The following VPS35L variants were observed in gnomAD, a reference collection of about 807,000 sequenced individuals.
The protein encoded by VPS35L is VPS35 endosomal protein-sorting factor-like.
In VPS35L, 83 loss-of-function variants were observed where a neutral mutation model predicts 133.0. The observed-to-expected ratio is 0.62, with a 90% CI of 0.52 to 0.75. The LOEUF is 0.75. Ranked by LOEUF, VPS35L falls within the 30% of genes least tolerant of loss-of-function variation. The pLI is 0.00. For synonymous variants in VPS35L, 423 were observed against 449.9 expected, an observed-to-expected ratio of 0.94 and a Z score of 0.76; for missense variants, 1,083 against 1,206.8, an observed-to-expected ratio of 0.90 and a Z score of 1.52.
At chr16:19,599,911 C>T (rs1972328081) in intron 8 of VPS35L, among the ~76,000 whole-genome samples, 1 of 152,146 alleles carries the variant, frequency 6.6e-6, no homozygotes, top group South Asian at 2.1e-4. Context: ...CATGGCAGCG[C>T]ATACCTGTGG....
chr16:19,693,555 C>T lies in VPS35L; in HGVS notation c.2646+2084C>T, dbSNP rs181242425. On this transcript the variant is annotated intron_variant, in intron 29 of 30. Coordinates refer to ENST00000417362, the MANE Select transcript of VPS35L (RefSeq NM_020314.7). ...CAGCACTTTGGGAGGCTGAGGTGGG[C>T]GGATCACTTGAGGCCAGGAGTTCGA... is the stretch of plus-strand genomic sequence containing the variant. 3.3e-3 allele frequency among the ~76,000 whole-genome samples: 497 copies of T among 151,890 alleles called. 3 individuals are homozygous for T. Among genetic ancestry groups the T allele is most frequent in the African/African-American group, 0.011 (461 of 41,392 alleles).
At chr16:19,660,441 T>C (rs1279101048) in intron 26 of VPS35L, among the ~76,000 whole-genome samples, 1 of 152,190 alleles carries the variant, frequency 6.6e-6, no homozygotes, top group Admixed American at 6.5e-5. Flanking sequence ...GTTGGATTGA[T>C]GGATTGATGG....
At chr16:19,587,092 GAGAA>G (rs746967671) in intron 7 of VPS35L, among the ~76,000 whole-genome samples, 8 of 146,502 alleles carry the variant, frequency 5.5e-5, no homozygotes, top group Non-Finnish European at 9.1e-5. Flanking sequence ...GAGCAGGAGA[GAGAA>G]AGAGAGAGAG....
intron 1 of VPS35L, among the ~76,000 whole-genome samples, chr16:19,560,824 A>G (rs1194166212): frequency 6.6e-6 from 1 of 151,914 alleles, no homozygotes; most frequent in African/African-American, 2.4e-5. Flanking sequence ...GAAAAGAGGA[A>G]AAGTGTACTT....
intron 16 of VPS35L, among the ~76,000 whole-genome samples, chr16:19,628,152 G>T (rs1020336657): frequency 1.3e-5 from 2 of 152,098 alleles, no homozygotes; most frequent in Non-Finnish European, 2.9e-5. Flanking sequence ...ATCACTTGAG[G>T]CCAGGAGTTC....
chr16:19,680,921 C>CCG (rs920558815), intron 27 of VPS35L, among the ~76,000 whole-genome samples: 1 of 142,104 alleles, frequency 7.0e-6, no homozygotes, highest in Non-Finnish European at 1.5e-5. Flanking sequence ...CCCGCCCCCC[C>CCG]CCTAAAAAAA....
chr16:19,696,346 G>C (rs1975910248), intron 29 of VPS35L, among the ~76,000 whole-genome samples: 1 of 152,186 alleles, frequency 6.6e-6, no homozygotes, highest in African/African-American at 2.4e-5. Flanking sequence ...GCGGCTTCTT[G>C]CTGTTGGAAA....
At chr16:19,586,793 A>G (rs183109973) in intron 7 of VPS35L, among the ~76,000 whole-genome samples, 35 of 152,298 alleles carry the variant, frequency 2.3e-4, no homozygotes, top group East Asian at 5.8e-4. Context: ...ATTTAGGTCA[A>G]TGGTTCATTT....
At chr16:19,569,317 A>G (rs921488850) in intron 2 of VPS35L, 107 bp from the exon 3 acceptor site, 2 of 1,274,978 alleles carry the variant, frequency 1.6e-6, no homozygotes, top group Non-Finnish European at 2.3e-6. Context: ...TCTGCTGCAA[A>G]TGAACCATCC....
chr16:19,588,000 A>C (rs1971925055), intron 7 of VPS35L, among the ~76,000 whole-genome samples: 1 of 151,620 alleles, frequency 6.6e-6, no homozygotes, highest in African/African-American at 2.4e-5. Flanking sequence ...GGGTTTCACC[A>C]TGTTGGCCAG....
chr16:19,557,057 G>T (rs981304302), intron 1 of VPS35L, among the ~76,000 whole-genome samples: 4 of 152,046 alleles, frequency 2.6e-5, no homozygotes, highest in Admixed American at 6.6e-5. Flanking sequence ...GCTTGAACCT[G>T]GGAGGCGGAA....
rs143222408 is a variant in VPS35L, at chr16:19,616,171, T to C, written c.1081T>C (p.Phe361Leu). 1.9e-6 allele frequency: 3 copies of C among 1,612,538 alleles called. No homozygotes were observed. The highest frequency in any genetic ancestry group is 2.7e-5 in the African/African-American group (2 of 74,858). ...KETLNKNFFD[F>L]LLTFKQIHGD... ...AACCCTAAATAAGAACTTTTTTGAC[T>C]TCCTCCTTACGTTCAAACAGGTAAG... Residue 361 changes from phenylalanine (F) to leucine (L), a missense_variant, in exon 13 of 31, where the codon TTC becomes CTC. By Grantham distance (22) the Phe-to-Leu change is conservative. Transcript: ENST00000417362.
chr16:19,578,589 C>G lies in VPS35L; in HGVS notation c.434-463C>G, dbSNP rs73531996. ...GGAGGCACAGCTAGTCCTGTTTGCT[C>G]GAAGAGAGGGCTTTGAAGCCCTAGT... On this transcript the variant is annotated intron_variant, in intron 5 of 30. Transcript: ENST00000417362. The G allele has an allele frequency of 4.5e-5, 15 of 336,512 alleles. No individual in the cohort carries two copies. The Admixed American group carries it at 5.9e-4, about 13-fold the overall frequency. 20.8% of individuals were successfully genotyped at this position (336,512 alleles called of 1,614,324 possible).
At chr16:19,572,158 G>T (rs968001327) in intron 3 of VPS35L, among the ~76,000 whole-genome samples, 20 of 152,090 alleles carry the variant, frequency 1.3e-4, no homozygotes, top group African/African-American at 4.6e-4. Flanking sequence ...AGTGGGTCAC[G>T]CCTGTAATCC....
At position 19,633,423 on chromosome 16, in the gene VPS35L, C is replaced by T. The variant is rs1973520884; in HGVS notation, c.1635+251C>T. ...GTGAGGATGAAGTGAAGCCCTCACA[C>T]AGTGGCCTGGCACGTGGTAAATGCT... On this transcript the variant is annotated intron_variant, in intron 19 of 30. Transcript: ENST00000417362. The surrounding 1 kb of genome is among the most constrained non-coding windows in gnomAD (Gnocchi z 4.1). 6.6e-6 allele frequency among the ~76,000 whole-genome samples: 1 copy of T among 152,220 alleles called. No homozygotes were observed. Among genetic ancestry groups the T allele is most frequent in the East Asian group, 1.9e-4 (1 of 5,192 alleles).
At chr16:19,556,810 GT>G (rs367612131) in intron 1 of VPS35L, among the ~76,000 whole-genome samples, 138 of 142,880 alleles carry the variant, frequency 9.7e-4, no homozygotes, top group East Asian at 2.7e-3. Flanking sequence ...ACACCCTGAG[GT>G]TTTTTTTTTT....
intron 23 of VPS35L, among the ~76,000 whole-genome samples, chr16:19,647,189 A>T (rs1033226673): frequency 6.6e-6 from 1 of 152,158 alleles, no homozygotes; most frequent in Non-Finnish European, 1.5e-5. Context: ...TGTACTCATC[A>T]TGTGGTATTT....
intron 28 of VPS35L, among the ~76,000 whole-genome samples, chr16:19,689,220 A>G (rs986835560): frequency 6.8e-6 from 1 of 147,604 alleles, no homozygotes; most frequent in African/African-American, 2.5e-5. Flanking sequence ...CTCATGATCC[A>G]CCCGCCTCAG....
At chr16:19,662,334 ATC>A (rs1464486182) in intron 26 of VPS35L, among the ~76,000 whole-genome samples, 1 of 149,078 alleles carries the variant, frequency 6.7e-6, no homozygotes, top group African/African-American at 2.4e-5. Context: ...GTGAAATGCC[ATC>A]TCTACTAAAA....
Sources: allele counts gnomAD v4.1 joint callset (sites outside exome capture counted in the v4.1 genomes callset), GRCh38; gene constraint gnomAD v4.1.1; non-coding constraint Gnocchi (gnomAD v3.1); transcripts MANE v1.5; gene names NCBI Gene and HGNC (gene_info 2026-07-23, HGNC 2026-07-21).